PLA2R1: variants seen among roughly 807,000 people sequenced by gnomAD.
PLA2R1 encodes the protein phospholipase A2 receptor 1.
A neutral mutation model predicts 195.9 loss-of-function variants in PLA2R1; 158 were observed. That is an observed-to-expected ratio of 0.81 (90% CI 0.71 to 0.92). PLA2R1 has a LOEUF of 0.92. Among genes scored for constraint, PLA2R1 ranks in the 40% least tolerant of loss-of-function variants. PLA2R1 has a pLI of 0.00. For missense variants in PLA2R1, 1,626 were observed against 1,764.6 expected, an observed-to-expected ratio of 0.92 and a Z score of 1.41; for synonymous variants, 586 against 598.2, an observed-to-expected ratio of 0.98 and a Z score of 0.30.
chr2:160,009,539 T>G (rs1692218279), intron 10 of PLA2R1, among the ~76,000 whole-genome samples: 1 of 151,834 alleles, frequency 6.6e-6, no homozygotes, highest in Non-Finnish European at 1.5e-5. Context: ...GAGGGGAGAA[T>G]AGGCAGCTAT....
chr2:159,963,871 G>A (rs942624855), intron 20 of PLA2R1, among the ~76,000 whole-genome samples: 4 of 152,076 alleles, frequency 2.6e-5, no homozygotes, highest in Non-Finnish European at 5.9e-5. Flanking sequence ...AATTCTATTC[G>A]TAGGTATACA....
chr2:159,945,103 C>T (rs1687299726), intron 27 of PLA2R1, 21 bp from the exon 28 acceptor site: 2 of 1,577,910 alleles, frequency 1.3e-6, no homozygotes, highest in Non-Finnish European at 1.7e-6. Flanking sequence ...ATTGCTGACT[C>T]ATTATGAATT....
At position 159,987,139 on chromosome 2, in the gene PLA2R1, T is replaced by C. The variant is rs903205160; in HGVS notation, c.2037+17A>G. 15 of 1,580,274 alleles carry C rather than the reference T, an allele frequency of 9.5e-6. No individual in the cohort carries two copies. Among genetic ancestry groups the C allele is most frequent in the East Asian group, 2.2e-5 (1 of 44,726 alleles). On this transcript the variant is annotated intron_variant, in intron 12 of 29. Coordinates refer to ENST00000283243, the MANE Select transcript of PLA2R1 (RefSeq NM_007366.5). The stretch of plus-strand genomic sequence containing the variant: ...GTGTTGGTCCTGTTAAGAATGTCCA[T>C]GTAACCTTGGTATCACCTTGAAGCA...
At chr2:159,944,340 A>G (rs1687256052) in intron 28 of PLA2R1, among the ~76,000 whole-genome samples, 2 of 152,290 alleles carry the variant, frequency 1.3e-5, no homozygotes, top group South Asian at 2.1e-4. Flanking sequence ...AAATTGCTGT[A>G]ATTATTATAG....
intron 9 of PLA2R1, among the ~76,000 whole-genome samples, chr2:160,015,369 C>A (rs1340729544): frequency 6.6e-6 from 1 of 152,196 alleles, no homozygotes; most frequent in Non-Finnish European, 1.5e-5. Flanking sequence ...AGAAAACTTT[C>A]AAAACCATAT....
At chr2:160,016,756 G>A (rs773067612) in intron 8 of PLA2R1, 44 bp from the exon 9 acceptor site, 2 of 892,396 alleles carry the variant, frequency 2.2e-6, no homozygotes, top group Non-Finnish European at 3.7e-6. Flanking sequence ...ACTCTGTGCT[G>A]ATACCGATGG....
chr2:159,973,532 T>C (rs1689327245), intron 17 of PLA2R1, among the ~76,000 whole-genome samples: 1 of 151,984 alleles, frequency 6.6e-6, no homozygotes, highest in South Asian at 2.1e-4. Context: ...GGAGAGCTCC[T>C]TTGCCTCTTC....
At chr2:159,991,228 T>A (rs1434956591) in intron 11 of PLA2R1, among the ~76,000 whole-genome samples, 1 of 152,206 alleles carries the variant, frequency 6.6e-6, no homozygotes, top group African/African-American at 2.4e-5. Context: ...AGCATTTCCT[T>A]GAAGATCTAC....
At chr2:160,009,447 A>G (rs985953351) in intron 10 of PLA2R1, among the ~76,000 whole-genome samples, 4 of 152,260 alleles carry the variant, frequency 2.6e-5, no homozygotes, top group African/African-American at 9.6e-5. Flanking sequence ...ACAGAAAAAC[A>G]TAATTCCACT....
downstream of PLA2R1, among the ~76,000 whole-genome samples, chr2:159,930,403 G>A (rs1258769461): frequency 2.2e-5 from 3 of 136,598 alleles, no homozygotes; most frequent in African/African-American, 5.3e-5. Context: ...GCGAGACTCC[G>A]TCTCAAAAAA....
At chr2:160,056,369 T>C (rs935366550) in intron 1 of PLA2R1, among the ~76,000 whole-genome samples, 1 of 152,194 alleles carries the variant, frequency 6.6e-6, no homozygotes, top group Non-Finnish European at 1.5e-5. Context: ...GACTTTAGCT[T>C]TGCTCTGGAC....
Position 159,946,800 on chromosome 2 carries a change from C to T in PLA2R1, c.3967+1G>A. The T allele has an allele frequency of 6.2e-7, 1 of 1,605,444 alleles. No individual in the cohort carries two copies. Among genetic ancestry groups the T allele is most frequent in the Non-Finnish European group, 8.5e-7 (1 of 1,177,558 alleles). ...TCCTCTCCTCTACCCAAATCACTTA[C>T]TGTTACCATCAAATTGAGCATTCAA... On this transcript the variant is annotated splice_donor_variant, in intron 27 of 29. Transcript: ENST00000283243. LOFTEE classifies it high-confidence loss of function.
At chr2:159,927,770 C>G (rs1212549443), downstream of PLA2R1, among the ~76,000 whole-genome samples, 1 of 152,204 alleles carries the variant, frequency 6.6e-6, no homozygotes, top group African/African-American at 2.4e-5. Flanking sequence ...CGATGACCCA[C>G]ATTCCTCTTA....
At position 159,937,455 on chromosome 2, in the gene PLA2R1, C is replaced by A. The variant is rs183897936; in HGVS notation, c.*4323G>T. ...AATGGGTAAAGTCAATCCTTGTTGT[C>A]AAACCAATGAGCCAAATAAAAAAAA... On this transcript the variant is annotated 3_prime_UTR_variant, in exon 30 of 30. Coordinates refer to ENST00000283243, the MANE Select transcript of PLA2R1 (RefSeq NM_007366.5). 4 of 152,222 alleles carry A rather than the reference C, an allele frequency of 2.6e-5. No individual in the cohort carries two copies. The highest frequency in any genetic ancestry group is 9.6e-5 in the African/African-American group (4 of 41,536). 9.4% of individuals were successfully genotyped at this position (152,222 alleles called of 1,614,324 possible). A position where few individuals can be genotyped will look rare whatever the true frequency, so the allele number is the denominator to read the frequency against.
intron 23 of PLA2R1, among the ~76,000 whole-genome samples, chr2:159,951,899 A>G (rs1687768184): frequency 6.6e-6 from 1 of 152,114 alleles, no homozygotes; most frequent in African/African-American, 2.4e-5. Flanking sequence ...GGTGGGTTTC[A>G]CTCCACTAAC....
At chr2:159,965,131 T>C (rs890548070) in intron 20 of PLA2R1, among the ~76,000 whole-genome samples, 6 of 152,180 alleles carry the variant, frequency 3.9e-5, no homozygotes, top group Non-Finnish European at 8.8e-5. Flanking sequence ...TCTGTTACAA[T>C]CGATGAACCT....
At chr2:159,960,601 T>C (rs1331844306) in intron 20 of PLA2R1, among the ~76,000 whole-genome samples, 1 of 152,184 alleles carries the variant, frequency 6.6e-6, no homozygotes, top group Non-Finnish European at 1.5e-5. Context: ...AATAAAAATA[T>C]GTAAGTAGAA....
In PLA2R1 at chr2:159,951,383, TTGAGGACAACAG is replaced by T. The variant is rs757514755; in HGVS notation, c.3485_3496del (p.Thr1162_Leu1165del). 1.2e-6 allele frequency: 2 copies of T among 1,613,666 alleles called. No individual in the cohort carries two copies. The highest frequency in any genetic ancestry group is 1.7e-6 in the Non-Finnish European group (2 of 1,179,574). On this transcript the variant is annotated inframe_deletion, in exon 24 of 30. Coordinates refer to ENST00000283243, the MANE Select transcript of PLA2R1 (RefSeq NM_007366.5). The stretch of plus-strand genomic sequence containing the variant: ...AATCCAGTGGGCATATCCTAGCCGG[TTGAGGACAACAG>T]TGAGGAAGGACTGGTGATACTGGTC...
chr2:159,956,700 C>T, intron 20 of PLA2R1, 73 bp from the exon 21 acceptor site: 1 of 879,564 alleles, frequency 1.1e-6, no homozygotes, highest in Non-Finnish European at 1.9e-6. Flanking sequence ...CCCAAAGACA[C>T]TGAATATCAG....
Sources: allele counts gnomAD v4.1 joint callset (sites outside exome capture counted in the v4.1 genomes callset), GRCh38; gene constraint gnomAD v4.1.1; transcripts MANE v1.5; gene names NCBI Gene and HGNC (gene_info 2026-07-23, HGNC 2026-07-21).